KLHL1: variants seen among roughly 807,000 people sequenced by gnomAD.
KLHL1 encodes kelch like family member 1.
KLHL1 carries 47 observed loss-of-function variants against 77.7 expected under a neutral mutation model. That is an observed-to-expected ratio of 0.60 (90% confidence interval 0.48 to 0.77). KLHL1 has a LOEUF of 0.77. Ranked by LOEUF, KLHL1 falls within the 30% of genes least tolerant of loss-of-function variation. The pLI, the probability that KLHL1 is intolerant of heterozygous loss-of-function variation, is 0.00. For missense variants in KLHL1, 925 were observed against 910.8 expected, an observed-to-expected ratio of 1.02 and a Z score of -0.20; for synonymous variants, 360 against 325.2, an observed-to-expected ratio of 1.11 and a Z score of -1.15.
intron 8 of KLHL1, among the ~76,000 whole-genome samples, chr13:69,728,879 A>G (rs1199911373): frequency 6.6e-6 from 1 of 152,066 alleles, no homozygotes; most frequent in Non-Finnish European, 1.5e-5. Flanking sequence ...GTAAATCATG[A>G]AAGAAACTCT....
rs184529772 is a variant in KLHL1 at position 69,867,329 on chromosome 13, C to A, written c.1227+14954G>T. ...AATCAAAACATTATCTTCCAATAAA[C>A]CCTCTCTTCTAATTTTACTTTTGGC... On this transcript the variant is annotated intron_variant, in intron 5 of 10. Transcript: ENST00000377844. Among the ~76,000 whole-genome samples, 420 of 151,996 alleles carry A rather than the reference C, an allele frequency of 2.8e-3. 2 individuals carry two copies. Among genetic ancestry groups the A allele is most frequent in the Non-Finnish European group, 4.6e-3 (311 of 67,934 alleles).
At chr13:69,784,127 C>A (rs545099576) in intron 7 of KLHL1, among the ~76,000 whole-genome samples, 1 of 152,128 alleles carries the variant, frequency 6.6e-6, no homozygotes, top group South Asian at 2.1e-4. Flanking sequence ...TACAGACAAG[C>A]AAATGCTGAG....
intron 5 of KLHL1, among the ~76,000 whole-genome samples, chr13:69,850,251 G>T (rs1236550906): frequency 8.6e-5 from 13 of 151,422 alleles, no homozygotes. Context: ...TTTTATTGAT[G>T]ATTTAGGGTA....
Position 69,769,664 on chromosome 13 carries a change from A to G in KLHL1, c.1639+27074T>C, listed in dbSNP as rs1875469891. On this transcript the variant is annotated intron_variant, in intron 7 of 10. Transcript: ENST00000377844. Reference sequence around the variant, plus strand: ...GCCTGTGCCTCCTCATTCCAAACATATAAAAGCCCAGGACTCAGCCACACA... The same window carrying G: ...GCCTGTGCCTCCTCATTCCAAACATGTAAAAGCCCAGGACTCAGCCACACA... Among the ~76,000 whole-genome samples, 4 of 152,224 alleles carry G rather than the reference A, an allele frequency of 2.6e-5. No homozygotes were observed. The South Asian group carries it at 8.3e-4, about 32-fold the overall frequency.
rs188858396 is a variant in KLHL1, at chr13:70,041,126, T to A, written c.498-65324A>T. ...GTCTCTTCTATACCTTTGCTCATTT[T>A]AAAAAATTTTTTTTATTTGTAGTAG... On this transcript the variant is annotated intron_variant, in intron 1 of 10. Coordinates refer to ENST00000377844, the MANE Select transcript of KLHL1 (RefSeq NM_020866.3). 2.0e-3 allele frequency among the ~76,000 whole-genome samples: 299 copies of A among 152,312 alleles called. 1 individual carries two copies. Among genetic ancestry groups the A allele is most frequent in the African/African-American group, 4.4e-3 (182 of 41,584 alleles).
chr13:69,908,198 TAAGAG>T (rs892144542), intron 4 of KLHL1, among the ~76,000 whole-genome samples: 5 of 151,602 alleles, frequency 3.3e-5, no homozygotes, highest in Admixed American at 3.3e-4. Flanking sequence ...TATAGATTTG[TAAGAG>T]AAGAGAAGAG....
At position 69,847,404 on chromosome 13, in the gene KLHL1, C is replaced by CA. The variant is rs11357077; in HGVS notation, c.1228-8243dup. ...TTAAGTTAGAGTAATACTGCATTAG[C>CA]AAAAAAAAAAAAAAAAAAAAAAACA... On this transcript the variant is annotated intron_variant, in intron 5 of 10. Transcript: ENST00000377844. Among the ~76,000 whole-genome samples, 714 of 145,674 alleles carry CA rather than the reference C, an allele frequency of 4.9e-3. 10 individuals are homozygous for CA. The highest frequency in any genetic ancestry group is 0.017 in the African/African-American group (672 of 38,448).
intron 4 of KLHL1, among the ~76,000 whole-genome samples, chr13:69,928,449 A>AT (rs1319727262): frequency 2.0e-5 from 3 of 152,232 alleles, no homozygotes; most frequent in Non-Finnish European, 4.4e-5. Context: ...TTAACTTGCC[A>AT]TGGGCATTGG....
At chr13:70,047,701 AT>A (rs891355165) in intron 1 of KLHL1, among the ~76,000 whole-genome samples, 2 of 152,116 alleles carry the variant, frequency 1.3e-5, no homozygotes, top group African/African-American at 4.8e-5. Context: ...CACAAACTGA[AT>A]TTTTTTAAAA....
rs761517378 is a variant in KLHL1 at position 69,719,183 on chromosome 13, C to CGTGTGT, written c.2015+180_2015+185dup. On this transcript the variant is annotated intron_variant, in intron 9 of 10. Transcript: ENST00000377844. ...AAGAATAAGAAAATAAAAGAAAGTA[C>CGTGTGT]GTGTGTGTGTGTGTGTGTGTGTGTG... Among the ~76,000 whole-genome samples, 831 of 103,744 alleles carry CGTGTGT rather than the reference C, an allele frequency of 8.0e-3. 2 individuals carry two copies. Among genetic ancestry groups the CGTGTGT allele is most frequent in the African/African-American group, 9.8e-3 (315 of 32,204 alleles). The allele number at this position is 103,744 out of a possible 152,430, so 68.1% of individuals were successfully genotyped here.
chr13:69,999,168 A>G (rs1374315636), intron 1 of KLHL1, among the ~76,000 whole-genome samples: 2 of 152,122 alleles, frequency 1.3e-5, no homozygotes, highest in South Asian at 2.1e-4. Context: ...TATTATGTAC[A>G]TGTATTATAT....
Position 69,764,983 on chromosome 13 carries a change from G to A in KLHL1, c.1640-24427C>T, listed in dbSNP as rs376400008. Among the ~76,000 whole-genome samples, 9 of 90,900 alleles carry A rather than the reference G, an allele frequency of 9.9e-5. No homozygotes were observed. In the South Asian group the frequency reaches 1.1e-3, roughly 11 times the overall value. 59.6% of individuals were successfully genotyped at this position (90,900 alleles called of 152,430 possible). A position where few individuals can be genotyped will look rare whatever the true frequency, so the allele number is the denominator to read the frequency against. On this transcript the variant is annotated intron_variant, in intron 7 of 10. Coordinates refer to ENST00000377844, the MANE Select transcript of KLHL1 (RefSeq NM_020866.3). ...TTTTTTTTTTTTGAGACCAAGTCTCGCTTTGTCGCCCAGGCTGGAGTGCAG... is the reference window on the plus strand; with the variant it reads ...TTTTTTTTTTTTGAGACCAAGTCTCACTTTGTCGCCCAGGCTGGAGTGCAG...
chr13:69,717,661 T>G (rs2137890535), intron 9 of KLHL1, among the ~76,000 whole-genome samples: 1 of 152,264 alleles, frequency 6.6e-6, no homozygotes, highest in South Asian at 2.1e-4. Context: ...TATAAGATAT[T>G]CAAGGTAAAA....
chr13:69,921,921 A>ATT lies in KLHL1; in HGVS notation c.1014+18117_1014+18118dup, dbSNP rs1197300551. ...GTTATAGATTTTTGTTGAATGATTG[A>ATT]TTTTTTTTTTTTTTTTTTTTTTAAA... On this transcript the variant is annotated intron_variant, in intron 4 of 10. Transcript: ENST00000377844. 6.2e-3 allele frequency among the ~76,000 whole-genome samples: 766 copies of ATT among 122,608 alleles called. 6 individuals carry two copies. Among genetic ancestry groups the ATT allele is most frequent in the Middle Eastern group, 0.013 (3 of 224 alleles). 80.4% of individuals were successfully genotyped at this position (122,608 alleles called of 152,430 possible).
intron 7 of KLHL1, among the ~76,000 whole-genome samples, chr13:69,789,147 A>T (rs2138023032): frequency 6.6e-6 from 1 of 152,250 alleles, no homozygotes; most frequent in East Asian, 1.9e-4. Flanking sequence ...AAATACTTTA[A>T]TTAAATCATT....
At chr13:69,940,798 A>C (rs1202286273) in intron 3 of KLHL1, among the ~76,000 whole-genome samples, 1 of 146,116 alleles carries the variant, frequency 6.8e-6, no homozygotes, top group South Asian at 2.1e-4. Context: ...AAGGCAAAAA[A>C]AAAAAAAAAA....
chr13:69,725,073 C>A (rs9529628), intron 8 of KLHL1, among the ~76,000 whole-genome samples: 142,540 of 152,208 alleles, frequency 0.94, 67,028 homozygotes, highest in East Asian at 1. Context: ...TTTAAAGAGG[C>A]TGCCAGAAAA....
chr13:70,057,334 T>C (rs548027987), intron 1 of KLHL1, among the ~76,000 whole-genome samples: 1 of 152,116 alleles, frequency 6.6e-6, no homozygotes, highest in East Asian at 1.9e-4. Flanking sequence ...ATAGCTTCAC[T>C]GCTGATTTCT....
At chr13:69,997,528 A>G (rs1255941378) in intron 1 of KLHL1, among the ~76,000 whole-genome samples, 1 of 151,280 alleles carries the variant, frequency 6.6e-6, no homozygotes, top group East Asian at 1.9e-4. Context: ...TTACTGCTAT[A>G]AATTCCACTT....
Sources: gnomAD v4.1 joint callset for allele counts (sites outside exome capture counted in the v4.1 genomes callset) on GRCh38, gnomAD v4.1.1 for gene constraint, MANE v1.5 for transcripts, NCBI Gene and HGNC (gene_info 2026-07-23, HGNC 2026-07-21) for gene names.